The following EYA3 variants were observed in gnomAD, a reference collection of about 807,000 sequenced individuals.
EYA3 encodes EYA transcriptional coactivator and phosphatase 3.
In EYA3, 39 loss-of-function variants were observed where a neutral mutation model predicts 80.0. That is an observed-to-expected ratio of 0.49 (90% CI 0.38 to 0.64). The LOEUF (loss-of-function observed/expected upper bound fraction) is 0.64, where lower values mean the gene tolerates loss of function less well. EYA3 is among the 30% of genes least tolerant of loss of function. The pLI is 0.00. For synonymous variants in EYA3, 206 were observed against 232.8 expected (o/e 0.88, Z 1.05); for missense variants, 523 against 676.1 (o/e 0.77, Z 2.51).
chr1:28,011,001 C>A lies in EYA3; in HGVS notation c.855G>T (p.Lys285Asn), dbSNP rs779202966. ...CATCAGCTTTCCTCTTGCCCCGGTTCTTGCTAGTCATGTTTTTCCTGGACT... is the reference window on the plus strand; with the variant it reads ...CATCAGCTTTCCTCTTGCCCCGGTTATTGCTAGTCATGTTTTTCCTGGACT... ...DDQSRKNMTSKNRGKRKADAT... is the reference protein window; with the variant it reads ...DDQSRKNMTSNNRGKRKADAT... The change falls in exon 10 of 18, where the codon AAG (lysine) becomes AAT (asparagine). Residue 285 changes from lysine to asparagine, a missense_variant. Coordinates refer to ENST00000373871, the MANE Select transcript of EYA3 (RefSeq NM_001990.4). The A allele has an allele frequency of 4.1e-5, 66 of 1,613,952 alleles. No individual in the cohort carries two copies. The highest frequency in any genetic ancestry group is 5.3e-5 in the Non-Finnish European group (62 of 1,180,002).
intron 1 of EYA3, among the ~76,000 whole-genome samples, chr1:28,080,005 T>C (rs1022670836): frequency 2.0e-5 from 3 of 152,286 alleles, no homozygotes; most frequent in African/African-American, 7.2e-5. Flanking sequence ...TTTTGCAAAC[T>C]GCAGGTACAT....
At chr1:28,073,114 T>TAC (rs1334409483) in intron 1 of EYA3, among the ~76,000 whole-genome samples, 51 of 48,754 alleles carry the variant, frequency 1.0e-3, no homozygotes, top group Non-Finnish European at 1.5e-3. Context: ...TATATATATA[T>TAC]ATATATATAT....
intron 1 of EYA3, among the ~76,000 whole-genome samples, chr1:28,075,276 T>C (rs1422883137): frequency 6.6e-6 from 1 of 152,212 alleles, no homozygotes; most frequent in Non-Finnish European, 1.5e-5. Flanking sequence ...ACATCTCATT[T>C]CCCAGCTTTT....
chr1:28,059,073 AAAATAGAC>A (rs1229896120), intron 1 of EYA3, among the ~76,000 whole-genome samples: 1 of 152,240 alleles, frequency 6.6e-6, no homozygotes, highest in African/African-American at 2.4e-5. Context: ...ACAAGTACTG[AAAATAGAC>A]AAATAACAAG....
chr1:28,030,495 T>C (rs1643077055), intron 6 of EYA3, among the ~76,000 whole-genome samples: 3 of 152,110 alleles, frequency 2.0e-5, no homozygotes, highest in African/African-American at 4.8e-5. Flanking sequence ...TCATATTGCC[T>C]AGGCTGGTTT....
intron 12 of EYA3, among the ~76,000 whole-genome samples, chr1:27,998,732 T>TA (rs1257067136): frequency 2.0e-5 from 3 of 151,722 alleles, no homozygotes; most frequent in Admixed American, 6.6e-5. Context: ...AAAAAAAGAT[T>TA]AAAAAAATGA....
At chr1:28,078,995 CA>C (rs1172419013) in intron 1 of EYA3, among the ~76,000 whole-genome samples, 1 of 152,198 alleles carries the variant, frequency 6.6e-6, no homozygotes, top group East Asian at 1.9e-4. Flanking sequence ...TAGTCATCAA[CA>C]GCCAGAATTC....
At chr1:28,074,513 CTTT>C (rs34650238) in intron 1 of EYA3, among the ~76,000 whole-genome samples, 39 of 139,924 alleles carry the variant, frequency 2.8e-4, no homozygotes, top group Admixed American at 3.6e-4. Flanking sequence ...TTTGAACTTT[CTTT>C]TTTTTTTTTT....
At chr1:28,016,116 T>C (rs1642045135) in intron 8 of EYA3, among the ~76,000 whole-genome samples, 1 of 152,122 alleles carries the variant, frequency 6.6e-6, no homozygotes, top group South Asian at 2.1e-4. Flanking sequence ...AAAAACCAAA[T>C]AGAGACTGTC....
chr1:28,047,806 T>C (rs1219383230), intron 3 of EYA3, among the ~76,000 whole-genome samples: 1 of 151,886 alleles, frequency 6.6e-6, no homozygotes, highest in Non-Finnish European at 1.5e-5. Flanking sequence ...GCCCGGTTAA[T>C]AATTTTGTAT....
chr1:28,040,831 A>G, intron 4 of EYA3, among the ~76,000 whole-genome samples: 1 of 123,024 alleles, frequency 8.1e-6, no homozygotes, highest in Non-Finnish European at 1.7e-5. Flanking sequence ...CTAGTAAGAG[A>G]TGTGGAGCCA....
chr1:27,999,870 C>T, intron 12 of EYA3, 90 bp downstream of exon 12: 2 of 956,324 alleles, frequency 2.1e-6, no homozygotes, highest in South Asian at 1.8e-5. Context: ...CCTATCTAAA[C>T]ACATATCTTC....
At chr1:28,033,490 A>G (rs922219788) in intron 6 of EYA3, among the ~76,000 whole-genome samples, 3 of 152,208 alleles carry the variant, frequency 2.0e-5, no homozygotes, top group Admixed American at 1.3e-4. Context: ...ATTGGGAAAC[A>G]CAAGTCTTCC....
At chr1:28,043,797 T>A (rs1489273323) in intron 3 of EYA3, among the ~76,000 whole-genome samples, 11 of 152,188 alleles carry the variant, frequency 7.2e-5, no homozygotes, top group Non-Finnish European at 1.6e-4. Context: ...GAGATGGCAC[T>A]ACTGCACTCC....
chr1:28,034,265 T>C (rs955106863), intron 6 of EYA3, among the ~76,000 whole-genome samples: 3 of 152,198 alleles, frequency 2.0e-5, no homozygotes, highest in African/African-American at 7.2e-5. Context: ...GGGCTAATAA[T>C]AATAATTCAA....
chr1:27,995,943 G>A (rs1329541549), intron 13 of EYA3, among the ~76,000 whole-genome samples: 3 of 152,086 alleles, frequency 2.0e-5, no homozygotes, highest in Admixed American at 6.5e-5. Flanking sequence ...CGTGATCTCG[G>A]CTCACTACAA....
intron 16 of EYA3, among the ~76,000 whole-genome samples, chr1:27,980,037 A>C (rs141713966): frequency 7.2e-5 from 11 of 152,258 alleles, no homozygotes; most frequent in African/African-American, 2.4e-4. Flanking sequence ...GGCCACTTAC[A>C]ATACAAGGCT....
At chr1:27,983,508 C>T (rs923179936) in intron 16 of EYA3, among the ~76,000 whole-genome samples, 4 of 152,118 alleles carry the variant, frequency 2.6e-5, no homozygotes, top group Non-Finnish European at 5.9e-5. Flanking sequence ...TTTGCAGTTC[C>T]TTAATTTGTG....
intron 1 of EYA3, among the ~76,000 whole-genome samples, chr1:28,071,203 C>T (rs1475947124): frequency 2.0e-5 from 3 of 152,108 alleles, no homozygotes; most frequent in Non-Finnish European, 4.4e-5. Flanking sequence ...GGATTACAGG[C>T]GTGAGCCACT....
Sources: allele counts gnomAD v4.1 joint callset (sites outside exome capture counted in the v4.1 genomes callset), GRCh38; gene constraint gnomAD v4.1.1; transcripts MANE v1.5; gene names NCBI Gene and HGNC (gene_info 2026-07-23, HGNC 2026-07-21).